The following ANKRD36C variants were observed in gnomAD, a reference collection of about 807,000 sequenced individuals.
ANKRD36C encodes the protein ankyrin repeat domain 36C, also known as ankyrin repeat domain-containing protein 36C.
Under a neutral mutation model 276.4 loss-of-function variants are expected in ANKRD36C, and 61 were observed. The observed-to-expected ratio is 0.22, with a 90% CI of 0.18 to 0.27. The LOEUF is 0.27. ANKRD36C is among the 10% of genes least tolerant of loss of function. The pLI is 1.00. For synonymous variants in ANKRD36C, 483 were observed against 680.1 expected, an observed-to-expected ratio of 0.71 and a Z score of 4.51; for missense variants, 1,447 against 2,032.3, an observed-to-expected ratio of 0.71 and a Z score of 5.54.
At chr2:95,990,231 A>G (rs1350286802) in intron 1 of ANKRD36C, among the ~76,000 whole-genome samples, 1 of 152,192 alleles carries the variant, frequency 6.6e-6, no homozygotes, top group African/African-American at 2.4e-5. Flanking sequence ...ATTTCTCCAA[A>G]TAGTTAGCAG....
At chr2:95,946,954 T>C (rs934902801) in intron 17 of ANKRD36C, among the ~76,000 whole-genome samples, 2 of 151,918 alleles carry the variant, frequency 1.3e-5, no homozygotes, top group Non-Finnish European at 2.9e-5. Context: ...ATATACCTAA[T>C]GCTAGATGAT....
intron 6 of ANKRD36C, among the ~76,000 whole-genome samples, chr2:95,969,373 C>T (rs397833832): frequency 6.6e-6 from 1 of 152,116 alleles, no homozygotes; most frequent in East Asian, 1.9e-4. Flanking sequence ...GGTGGTTTTA[C>T]TGACTGCAGA....
chr2:95,953,033 A>G (rs994382509), intron 14 of ANKRD36C, among the ~76,000 whole-genome samples: 2 of 152,280 alleles, frequency 1.3e-5, no homozygotes, highest in East Asian at 1.9e-4. Context: ...TTTAATTACA[A>G]TGCAAAAACA....
chr2:95,917,757 G>T, intron 36 of ANKRD36C, 98 bp downstream of exon 38: 1 of 1,426,926 alleles, frequency 7.0e-7, no homozygotes, highest in South Asian at 1.3e-5. Flanking sequence ...TGCAGCTTTG[G>T]CGAGCACCCC....
intron 34 of ANKRD36C, 46 bp downstream of exon 34, chr2:95,921,561 T>C (rs1481840823): frequency 1.3e-6 from 2 of 1,575,076 alleles, no homozygotes; most frequent in South Asian, 1.2e-5. Flanking sequence ...AGAAGTTCTT[T>C]TCTATCTGGA....
exon 1 of ANKRD36C, chr2:95,991,598 G>A: frequency 6.2e-7 from 1 of 1,614,042 alleles, no homozygotes; most frequent in Non-Finnish European, 8.5e-7. Flanking sequence ...AGACAGCTCT[G>A]TGGATCCCCT....
chr2:95,987,279 A>G, intron 1 of ANKRD36C, 73 bp from the exon 2 acceptor site: 1 of 1,480,976 alleles, frequency 6.8e-7, no homozygotes, highest in South Asian at 1.4e-5. Context: ...TCTGTCTTCA[A>G]AACAAATATG....
In ANKRD36C at chr2:95,991,612, G is replaced by A. The variant is rs115480888; in HGVS notation, c.97C>T (p.Leu33=). 10,132 of 1,614,064 alleles carry A rather than the reference G, an allele frequency of 6.3e-3. 42 individuals are homozygous for A. Among genetic ancestry groups the A allele is most frequent in the Non-Finnish European group, 7.9e-3 (9,356 of 1,180,004 alleles). ...AAGACAGCTCTGTGGATCCCCTTCA[G>A]ATGATACGGTTTAATGGGGTATTGG... Residue 33 remains leucine (L), a synonymous_variant, in exon 1 of 67, where the codon CTG becomes TTG. Coordinates refer to ENST00000456556, the Ensembl canonical transcript of ANKRD36C.
At chr2:95,924,356 T>C (rs1677351638) in intron 30 of ANKRD36C, among the ~76,000 whole-genome samples, 1 of 151,614 alleles carries the variant, frequency 6.6e-6, no homozygotes, top group Admixed American at 6.6e-5. Context: ...GAAGGTATAA[T>C]ATATAAACCT....
chr2:95,945,966 C>G (rs1296019537), intron 17 of ANKRD36C, among the ~76,000 whole-genome samples: 2 of 152,148 alleles, frequency 1.3e-5, no homozygotes, highest in African/African-American at 2.4e-5. Flanking sequence ...AAAAGAAAAG[C>G]TTGTGTTCAT....
At chr2:95,880,772 A>G (rs1322844197) in intron 56 of ANKRD36C, 149 bp from the exon 77 acceptor site, 8 of 1,055,106 alleles carry the variant, frequency 7.6e-6, no homozygotes, top group Admixed American at 2.7e-5. Flanking sequence ...TGGGACAGTA[A>G]TATGATAGAA....
chr2:95,871,390 C>A (rs575084327), intron 59 of ANKRD36C, among the ~76,000 whole-genome samples: 2 of 152,054 alleles, frequency 1.3e-5, no homozygotes, highest in African/African-American at 4.8e-5. Context: ...GAATTTTCAA[C>A]CCAGAATTTC....
chr2:95,857,670 G>C (rs1201695041), intron 61 of ANKRD36C, among the ~76,000 whole-genome samples, 178 bp from the exon 82 acceptor site: 3 of 150,094 alleles, frequency 2.0e-5, no homozygotes, highest in Non-Finnish European at 4.4e-5. Context: ...ATCTGACTCT[G>C]GCATAACCTT....
At chr2:95,921,472 G>T in intron 34 of ANKRD36C, 135 bp downstream of exon 34, 1 of 1,253,730 alleles carries the variant, frequency 8.0e-7, no homozygotes, top group Non-Finnish European at 1.1e-6. Context: ...TACAAATGAA[G>T]ACTCTCAGGC....
chr2:95,907,052 T>C (rs1256643444), intron 42 of ANKRD36C: 1 of 14,358 alleles, frequency 7.0e-5, no homozygotes, highest in South Asian at 4.0e-4. Flanking sequence ...TGATTTGTCA[T>C]GTGTCGAAAC....
intron 59 of ANKRD36C, among the ~76,000 whole-genome samples, chr2:95,874,317 G>T (rs1387913821): frequency 6.6e-6 from 1 of 152,130 alleles, no homozygotes; most frequent in Admixed American, 6.5e-5. Context: ...CATGGTACTG[G>T]TACCAAAACA....
chr2:95,910,360 T>G lies in ANKRD36C; in HGVS notation c.2653+1884A>C, dbSNP rs1453672273. The G allele has an allele frequency of 6.5e-7, 1 of 1,532,936 alleles. No individual in the cohort carries two copies. The highest frequency in any genetic ancestry group is 1.2e-5 in the South Asian group (1 of 83,896). The allele number at this position is 1,532,936 out of a possible 1,614,324, so 95.0% of individuals were successfully genotyped here. ...TGGACAGAACACGACATTAAATCTG[T>G]TTTCAAAATTACCTGTCCTAGATTT... On this transcript the variant is annotated intron_variant, in intron 42 of 66. Transcript: ENST00000456556.
At chr2:95,910,322 C>A (rs1344305044) in intron 42 of ANKRD36C, 51 bp downstream of exon 46, 3 of 1,499,326 alleles carry the variant, frequency 2.0e-6, no homozygotes, top group African/African-American at 2.8e-5. Flanking sequence ...GAGAAGAGAA[C>A]TTCTTATCTA....
At chr2:95,887,610 C>T (rs1314322953) in intron 50 of ANKRD36C, among the ~76,000 whole-genome samples, 1 of 151,628 alleles carries the variant, frequency 6.6e-6, no homozygotes, top group Non-Finnish European at 1.5e-5. Context: ...TGTCTTTCTC[C>T]TTCTACCCTT....
Sources: allele counts gnomAD v4.1 joint callset (sites outside exome capture counted in the v4.1 genomes callset), GRCh38; gene constraint gnomAD v4.1.1; transcripts MANE v1.5; gene names NCBI Gene and HGNC (gene_info 2026-07-23, HGNC 2026-07-21).